The following EGF variants were observed in gnomAD, a reference collection of about 807,000 sequenced individuals.
EGF encodes the protein epidermal growth factor, also known as pro-epidermal growth factor.
Under a neutral mutation model 143.8 loss-of-function variants are expected in EGF, and 95 were observed. The observed-to-expected ratio is 0.66, with a 90% CI of 0.56 to 0.78. The LOEUF is 0.78. Among genes scored for constraint, EGF ranks in the 30% least tolerant of loss-of-function variants. The pLI is 0.00. For synonymous variants in EGF, 510 were observed against 510.5 expected (o/e 1.00, Z 0.01); for missense variants, 1,320 against 1,470.9 (o/e 0.90, Z 1.68).
At chr4:110,009,285 CT>C (rs745362081) in intron 23 of EGF, among the ~76,000 whole-genome samples, 1 of 152,108 alleles carries the variant, frequency 6.6e-6, no homozygotes. Flanking sequence ...TTACTTTCCC[CT>C]GATAATGAAA....
chr4:109,976,515 C>T lies in EGF; in HGVS notation c.2053+280C>T, dbSNP rs182460828. On this transcript the variant is annotated intron_variant, in intron 13 of 23. Transcript: ENST00000265171. ...CTCCTTTAGGAATAAGAACTTGGTT[C>T]AGCTGTTTTCATTTCTTATGTTTTA... is the stretch of plus-strand genomic sequence containing the variant. 2.6e-5 allele frequency among the ~76,000 whole-genome samples: 4 copies of T among 152,262 alleles called. No individual in the cohort carries two copies. The East Asian group carries it at 7.7e-4, about 29-fold the overall frequency.
In EGF at chr4:109,959,477, C is replaced by T. The variant is rs11568927; in HGVS notation, c.1066+40C>T. 0.015 allele frequency: 24,306 copies of T among 1,611,608 alleles called. 2,309 individuals are homozygous for T. In the East Asian group the frequency reaches 0.23, roughly 15 times the overall value. On this transcript the variant is annotated intron_variant, in intron 6 of 23. Transcript: ENST00000265171. ...TACTGTGAAGGTAATGGAAGAGTCG[C>T]TGCTTGAGGGGAGGAATGCTCAACT...
At chr4:109,959,060 G>A (rs1290590413) in intron 5 of EGF, 4 of 497,214 alleles carry the variant, frequency 8.0e-6, no homozygotes, top group South Asian at 4.2e-5. Flanking sequence ...TTTAGTATTC[G>A]CAACCTAAGA....
At chr4:109,999,056 C>T (rs1023211472) in intron 20 of EGF, among the ~76,000 whole-genome samples, 5 of 152,146 alleles carry the variant, frequency 3.3e-5, no homozygotes, top group Admixed American at 2.0e-4. Context: ...TGTAGGTGAA[C>T]GTCCCTTTTT....
chr4:109,961,549 T>A (rs2126059830), intron 7 of EGF, among the ~76,000 whole-genome samples: 1 of 152,310 alleles, frequency 6.6e-6, no homozygotes, highest in Non-Finnish European at 1.5e-5. Flanking sequence ...AAAATAACTA[T>A]TGGGTACTAC....
At chr4:109,940,798 T>G in intron 1 of EGF, 148 bp from the exon 2 acceptor site, 1 of 791,672 alleles carries the variant, frequency 1.3e-6, no homozygotes, top group South Asian at 1.7e-5. Context: ...ACAGGAACTC[T>G]TTATTGTCTA....
intron 22 of EGF, among the ~76,000 whole-genome samples, chr4:110,005,036 CTTTTTTTTTTTTTTT>C (rs538062029): frequency 6.2e-5 from 5 of 80,696 alleles, no homozygotes; most frequent in South Asian, 6.0e-4. Context: ...TTTTCTCTGT[CTTTTTTTTTTTTTTT>C]TTTTTTTTTG....
At chr4:109,938,875 G>A (rs1347490261) in intron 1 of EGF, among the ~76,000 whole-genome samples, 2 of 152,174 alleles carry the variant, frequency 1.3e-5, no homozygotes, top group Non-Finnish European at 2.9e-5. Flanking sequence ...ATTGCTGCCT[G>A]ATTCTTCCTC....
intron 1 of EGF, among the ~76,000 whole-genome samples, chr4:109,922,283 T>C (rs1737936053): frequency 6.6e-6 from 1 of 151,606 alleles, no homozygotes; most frequent in South Asian, 2.1e-4. Flanking sequence ...TAATGAATCA[T>C]GGCAAAGATT....
chr4:109,984,108 T>G (rs1041520118), intron 16 of EGF, among the ~76,000 whole-genome samples: 1 of 152,240 alleles, frequency 6.6e-6, no homozygotes, highest in African/African-American at 2.4e-5. Context: ...TTTTTCCAGC[T>G]GGGTTCAGCT....
chr4:110,004,456 A>C (rs762280387), intron 21 of EGF, 49 bp from the exon 22 acceptor site: 3 of 1,506,382 alleles, frequency 2.0e-6, no homozygotes, highest in Non-Finnish European at 2.8e-6. Context: ...GAGTGGGCTG[A>C]GTATTTTGTT....
intron 1 of EGF, among the ~76,000 whole-genome samples, chr4:109,935,562 T>A (rs1740620345): frequency 6.6e-6 from 1 of 152,194 alleles, no homozygotes; most frequent in Non-Finnish European, 1.5e-5. Context: ...TCTTGCCTGA[T>A]TGCCCTGGCC....
At chr4:109,996,833 CCTT>C (rs962616798) in intron 20 of EGF, among the ~76,000 whole-genome samples, 1 of 152,180 alleles carries the variant, frequency 6.6e-6, no homozygotes, top group Non-Finnish European at 1.5e-5. Flanking sequence ...AGGCTCCAAA[CCTT>C]CTGGGCTCAG....
At chr4:109,928,397 A>C (rs1739106467) in intron 1 of EGF, among the ~76,000 whole-genome samples, 1 of 152,226 alleles carries the variant, frequency 6.6e-6, no homozygotes, top group Non-Finnish European at 1.5e-5. Flanking sequence ...AAGACTTATC[A>C]TCTAAGGACC....
chr4:109,965,579 G>C (rs1746419911), intron 10 of EGF, among the ~76,000 whole-genome samples: 1 of 152,114 alleles, frequency 6.6e-6, no homozygotes, highest in African/African-American at 2.4e-5. Context: ...TGCAGAATCA[G>C]TATTCTTACA....
intron 23 of EGF, among the ~76,000 whole-genome samples, chr4:110,010,676 C>T (rs546163478): frequency 6.6e-6 from 1 of 152,258 alleles, no homozygotes; most frequent in South Asian, 2.1e-4. Flanking sequence ...GTCTTGAACT[C>T]TTGGGTGCAA....
At chr4:109,952,601 A>G (rs3796945) in intron 5 of EGF, among the ~76,000 whole-genome samples, 42,103 of 152,190 alleles carry the variant, frequency 0.28, 6,266 homozygotes, top group Middle Eastern at 0.38. Context: ...TATTTAGTTC[A>G]TATAATTTTA....
At chr4:109,999,890 C>T in intron 21 of EGF, 44 bp downstream of exon 21, 2 of 1,611,208 alleles carry the variant, frequency 1.2e-6, no homozygotes, top group Non-Finnish European at 1.7e-6. Flanking sequence ...CTTTCTAAGA[C>T]CTCCCAGGGG....
chr4:109,961,883 A>C lies in EGF; in HGVS notation c.1210A>C (p.Asn404His). ...RCHQLVSCPRNVSECSHDCVL... is the reference protein window; with the variant it reads ...RCHQLVSCPRHVSECSHDCVL... ...ATTAGAACTTGTTTCCTGTCCACGCAATGTGTCTGAATGCAGCCATGACTG... is the reference window on the plus strand; with the variant it reads ...ATTAGAACTTGTTTCCTGTCCACGCCATGTGTCTGAATGCAGCCATGACTG... Residue 404 changes from asparagine (N) to histidine (H), a missense_variant, in exon 8 of 24, where the codon AAT becomes CAT. Asn to His is a moderately conservative substitution (Grantham distance 68, BLOSUM62 1). This residue lies in a region of EGF where 1,186 missense variants were observed against 1,313.7 expected (regional missense o/e 0.90). Transcript: ENST00000265171. 1 of 1,613,858 alleles carries C rather than the reference A, an allele frequency of 6.2e-7. No homozygotes were observed. The highest frequency in any genetic ancestry group is 8.5e-7 in the Non-Finnish European group (1 of 1,179,796).
Sources: gnomAD v4.1 joint callset for allele counts (sites outside exome capture counted in the v4.1 genomes callset) on GRCh38, gnomAD v4.1.1 for gene constraint, gnomAD v4.1.1 regional missense constraint, MANE v1.5 for transcripts, NCBI Gene and HGNC (gene_info 2026-07-23, HGNC 2026-07-21) for gene names.